The following CAST variants were observed in gnomAD, a reference collection of about 807,000 sequenced individuals.
CAST encodes calpastatin.
In CAST, 76 loss-of-function variants were observed where a neutral mutation model predicts 119.6. That is an observed-to-expected ratio of 0.64 (90% CI 0.53 to 0.77). The LOEUF is 0.77. CAST is among the 30% of genes least tolerant of loss of function. CAST has a pLI of 0.00. For missense variants in CAST, 953 were observed against 946.5 expected, an observed-to-expected ratio of 1.01 and a Z score of -0.09; for synonymous variants, 319 against 331.6, an observed-to-expected ratio of 0.96 and a Z score of 0.41.
chr5:96,014,784 CT>C, the CAST span, among the ~76,000 whole-genome samples: 1 of 152,146 alleles, frequency 6.6e-6, no homozygotes, highest in Non-Finnish European at 1.5e-5. Flanking sequence ...TTAATAATTA[CT>C]GCCAAATTGT....
At chr5:96,427,698 T>G in the CAST span, among the ~76,000 whole-genome samples, 1 of 152,238 alleles carries the variant, frequency 6.6e-6, no homozygotes, top group Non-Finnish European at 1.5e-5. Flanking sequence ...GTATGCTCTA[T>G]TCTGTCCAAT....
the CAST span, among the ~76,000 whole-genome samples, chr5:96,488,088 A>T: frequency 6.6e-6 from 1 of 152,200 alleles, no homozygotes; most frequent in African/African-American, 2.4e-5. Flanking sequence ...GTAATTATTA[A>T]GCAACTTTAT....
chr5:96,217,204 A>ATTTTTTTTCTT, the CAST span, among the ~76,000 whole-genome samples: 1 of 97,020 alleles, frequency 1.0e-5, no homozygotes, highest in Non-Finnish European at 2.0e-5. Context: ...ATGCTAGCTA[A>ATTTTTTTTCTT]TTTTTTTTTT....
the CAST span, among the ~76,000 whole-genome samples, chr5:96,334,740 A>C: frequency 6.6e-6 from 1 of 152,136 alleles, no homozygotes; most frequent in Non-Finnish European, 1.5e-5. Flanking sequence ...GTGTCCCAGA[A>C]ACTCGTTTTT....
the CAST span, among the ~76,000 whole-genome samples, chr5:96,322,540 C>T: frequency 2.0e-5 from 3 of 152,118 alleles, no homozygotes; most frequent in Non-Finnish European, 2.9e-5. Flanking sequence ...TTTCTGGTGC[C>T]TAGGTGCTTG....
chr5:95,963,674 G>A, the CAST span, among the ~76,000 whole-genome samples: 5 of 151,236 alleles, frequency 3.3e-5, no homozygotes, highest in African/African-American at 1.2e-4. Flanking sequence ...ATCTCTAAGC[G>A]GACTATAATC....
chr5:96,742,465 A>G (rs767663776), intron 15 of CAST, 190 bp from the exon 16 acceptor site: 2 of 569,526 alleles, frequency 3.5e-6, no homozygotes, highest in East Asian at 2.9e-5. Context: ...CTTAGCCCCA[A>G]TTTCCACTCA....
At chr5:96,193,514 T>A in the CAST span, among the ~76,000 whole-genome samples, 2 of 152,358 alleles carry the variant, frequency 1.3e-5, no homozygotes, top group Non-Finnish European at 2.9e-5. Context: ...AGTTTACATA[T>A]GACCCATTAC....
chr5:96,339,257 C>T, the CAST span, among the ~76,000 whole-genome samples: 22 of 152,110 alleles, frequency 1.4e-4, no homozygotes, highest in African/African-American at 4.6e-4. Flanking sequence ...AGATAACATA[C>T]GACCCCAAGA....
At chr5:96,670,121 G>A (rs1370026071) in intron 1 of CAST, among the ~76,000 whole-genome samples, 2 of 152,088 alleles carry the variant, frequency 1.3e-5, no homozygotes, top group Non-Finnish European at 2.9e-5. Context: ...AGAGTCCAGA[G>A]GGTATCAAGA....
intron 3 of CAST, among the ~76,000 whole-genome samples, chr5:96,706,793 G>T (rs1387987367): frequency 6.6e-6 from 1 of 152,196 alleles, no homozygotes; most frequent in African/African-American, 2.4e-5. Flanking sequence ...GAGAGTTCTG[G>T]TTAATTCTAG....
chr5:96,514,241 A>T, the CAST span, among the ~76,000 whole-genome samples: 1,633 of 152,244 alleles, frequency 0.011, 35 homozygotes, highest in African/African-American at 0.038. Flanking sequence ...ATATTTTTTC[A>T]TACTGCATTA....
the CAST span, chr5:95,961,707 C>A: frequency 6.2e-7 from 1 of 1,602,530 alleles, no homozygotes; most frequent in East Asian, 2.3e-5. Flanking sequence ...GGCCCCCTGT[C>A]CCCCCCGCCG....
intron 1 of CAST, among the ~76,000 whole-genome samples, chr5:96,534,778 AAAGAAAGAAAGAAAGAAAGAAAG>A (rs1170984094): frequency 2.0e-4 from 27 of 138,382 alleles, no homozygotes; most frequent in African/African-American, 6.8e-4. Context: ...AGAAAGAAAG[AAAGAAAGAAAGAAAGAAAGAAAG>A]AAGAAAGAAA....
the CAST span, among the ~76,000 whole-genome samples, chr5:96,238,356 T>A: frequency 1.3e-5 from 1 of 74,340 alleles, no homozygotes; most frequent in Non-Finnish European, 3.3e-5. Context: ...CATCTTCATC[T>A]TCTTCTTCTC....
At chr5:96,769,647 C>A (rs1191506148) in intron 29 of CAST, 1 of 151,898 alleles carries the variant, frequency 6.6e-6, no homozygotes, top group Non-Finnish European at 1.5e-5. Flanking sequence ...ATTTTATTAA[C>A]CTTAGTCCTC....
In CAST at chr5:96,733,216, ACT is replaced by A. The variant is rs761296570; in HGVS notation, c.630+2358_630+2359del. On this transcript the variant is annotated intron_variant, in intron 9 of 31. Coordinates refer to ENST00000675179, the MANE Select transcript of CAST (RefSeq NM_001750.7). ...TAGATCACTTGTATACTACCTTGAG[ACT>A]CATAGCCTCACTCCAGGAAGACACA... is the stretch of plus-strand genomic sequence containing the variant. Among the ~76,000 whole-genome samples the A allele has an allele frequency of 3.3e-5, 5 of 152,274 alleles. No individual in the cohort carries two copies. In the South Asian group the frequency reaches 6.2e-4, roughly 19 times the overall value.
chr5:96,033,575 C>T, the CAST span, among the ~76,000 whole-genome samples: 2 of 152,044 alleles, frequency 1.3e-5, no homozygotes, highest in African/African-American at 4.8e-5. Flanking sequence ...AGAAATGGTG[C>T]TGGGAAAAGT....
chr5:96,034,926 G>T, the CAST span, among the ~76,000 whole-genome samples: 1 of 150,892 alleles, frequency 6.6e-6, no homozygotes, highest in Non-Finnish European at 1.5e-5. Flanking sequence ...CATCCATGTT[G>T]TCACAAATGA....
Sources: allele counts gnomAD v4.1 joint callset (sites outside exome capture counted in the v4.1 genomes callset), GRCh38; gene constraint gnomAD v4.1.1; transcripts MANE v1.5; gene names NCBI Gene and HGNC (gene_info 2026-07-23, HGNC 2026-07-21).